The following NKAIN3 variants were observed in gnomAD, a reference collection of about 807,000 sequenced individuals.
NKAIN3 encodes the protein sodium/potassium transporting ATPase interacting 3.
A neutral mutation model predicts 30.2 loss-of-function variants in NKAIN3; 25 were observed. That is an observed-to-expected ratio of 0.83 (90% CI 0.60 to 1.16). NKAIN3 has a LOEUF of 1.16. NKAIN3 is among the 50% of genes most tolerant of loss of function. The pLI, the probability that NKAIN3 is intolerant of heterozygous loss-of-function variation, is 0.00. For synonymous variants in NKAIN3, 91 were observed against 89.6 expected, an observed-to-expected ratio of 1.02 and a Z score of -0.09; for missense variants, 225 against 254.1, an observed-to-expected ratio of 0.89 and a Z score of 0.78.
intron 3 of NKAIN3, among the ~76,000 whole-genome samples, chr8:62,718,959 A>G (rs1814996043): frequency 6.6e-6 from 1 of 152,206 alleles, no homozygotes; most frequent in Non-Finnish European, 1.5e-5. Flanking sequence ...TCGCACATAA[A>G]TAGATGATTT....
intron 1 of NKAIN3, among the ~76,000 whole-genome samples, chr8:62,416,491 G>A (rs975197102): frequency 1.3e-5 from 2 of 152,112 alleles, no homozygotes; most frequent in Non-Finnish European, 2.9e-5. Flanking sequence ...TAACAAAAAA[G>A]ACCAATGGCT....
intron 4 of NKAIN3, among the ~76,000 whole-genome samples, chr8:62,900,137 T>C (rs1821563747): frequency 6.6e-6 from 1 of 152,158 alleles, no homozygotes; most frequent in South Asian, 2.1e-4. Flanking sequence ...GCTCACTGAA[T>C]TGAAAAAGTT....
chr8:62,339,206 G>A (rs1043531715), intron 1 of NKAIN3, among the ~76,000 whole-genome samples: 1 of 151,992 alleles, frequency 6.6e-6, no homozygotes, highest in Non-Finnish European at 1.5e-5. Context: ...GTGATACCTA[G>A]GGAGTGAGTT....
chr8:62,799,097 T>C (rs149261941), intron 4 of NKAIN3, among the ~76,000 whole-genome samples: 141 of 152,296 alleles, frequency 9.3e-4, no homozygotes, highest in African/African-American at 3.2e-3. Flanking sequence ...TTTAAATTGT[T>C]GTTGGGACTG....
intron 1 of NKAIN3, among the ~76,000 whole-genome samples, chr8:62,575,607 A>C (rs1810084820): frequency 6.6e-6 from 1 of 152,162 alleles, no homozygotes; most frequent in Non-Finnish European, 1.5e-5. Context: ...AGAAATAGAA[A>C]AAACAATCTT....
chr8:62,859,264 G>T (rs1448139078), intron 4 of NKAIN3, among the ~76,000 whole-genome samples: 2 of 151,988 alleles, frequency 1.3e-5, no homozygotes, highest in African/African-American at 2.4e-5. Flanking sequence ...TTATTTCCCT[G>T]ACCAATCCCA....
chr8:62,519,829 C>T (rs952645308), intron 1 of NKAIN3, among the ~76,000 whole-genome samples: 4 of 152,098 alleles, frequency 2.6e-5, no homozygotes, highest in Admixed American at 1.3e-4. Context: ...CTGAATGTAG[C>T]CTTAGAGTAC....
intron 4 of NKAIN3, among the ~76,000 whole-genome samples, chr8:62,910,070 A>G (rs1436335071): frequency 6.6e-6 from 1 of 152,182 alleles, no homozygotes; most frequent in African/African-American, 2.4e-5. Flanking sequence ...ATAGGGAGAC[A>G]TAACATGCTT....
At chr8:62,640,465 T>C (rs1295125813) in intron 3 of NKAIN3, among the ~76,000 whole-genome samples, 1 of 152,132 alleles carries the variant, frequency 6.6e-6, no homozygotes, top group Non-Finnish European at 1.5e-5. Flanking sequence ...CAATTAAACC[T>C]CTTTTCTTAT....
chr8:62,430,894 G>A (rs1379276423), intron 1 of NKAIN3, among the ~76,000 whole-genome samples: 1 of 151,852 alleles, frequency 6.6e-6, no homozygotes, highest in African/African-American at 2.4e-5. Flanking sequence ...AATTCACATA[G>A]ATGTTCAATC....
In NKAIN3 at chr8:62,892,508, T is replaced by A. The variant is rs546516034; in HGVS notation, c.472-25945T>A. On this transcript the variant is annotated intron_variant, in intron 4 of 6. Transcript: ENST00000623646. ...CAGGCTGTGATTATTAGTACCCTAG[T>A]GAAATGCTGAAATCACATGTTTGAA... 2.6e-5 allele frequency among the ~76,000 whole-genome samples: 4 copies of A among 152,322 alleles called. No homozygotes were observed. In the East Asian group the frequency reaches 7.7e-4, roughly 29 times the overall value.
intron 4 of NKAIN3, among the ~76,000 whole-genome samples, chr8:62,862,659 T>C (rs1820288160): frequency 6.6e-6 from 1 of 152,130 alleles, no homozygotes; most frequent in South Asian, 2.1e-4. Flanking sequence ...TCACTGAAAA[T>C]TGCTTTGGAA....
rs151229273 is a variant in NKAIN3, at chr8:62,396,862, T to C, written c.54+147735T>C. Among the ~76,000 whole-genome samples, 450 of 152,328 alleles carry C rather than the reference T, an allele frequency of 3.0e-3. 3 individuals are homozygous for C. The highest frequency in any genetic ancestry group is 3.0e-3 in the Non-Finnish European group (206 of 68,028). ...CAGGTTATAACGACTTACTTTGGTATTTGTTATACCAAGTGATTGTGATGT... is the reference window on the plus strand; with the variant it reads ...CAGGTTATAACGACTTACTTTGGTACTTGTTATACCAAGTGATTGTGATGT... On this transcript the variant is annotated intron_variant, in intron 1 of 6. Transcript: ENST00000623646.
chr8:62,768,476 G>A (rs56066506), intron 4 of NKAIN3, among the ~76,000 whole-genome samples: 26,538 of 152,074 alleles, frequency 0.17, 2,511 homozygotes, highest in East Asian at 0.29. Flanking sequence ...TTCTGCTTGA[G>A]GCTCCAGAAG....
At position 62,868,435 on chromosome 8, in the gene NKAIN3, A is replaced by G. The variant is rs1820491683; in HGVS notation, c.472-50018A>G. On this transcript the variant is annotated intron_variant, in intron 4 of 6. Coordinates refer to ENST00000623646, the MANE Select transcript of NKAIN3 (RefSeq NM_001304533.3). Reference sequence around the variant, plus strand: ...ATGGACCAAGGAGGCATTTATCTGAATAATTCAGGCAGAAACAATTTATAC... The same window carrying G: ...ATGGACCAAGGAGGCATTTATCTGAGTAATTCAGGCAGAAACAATTTATAC... Among the ~76,000 whole-genome samples the G allele has an allele frequency of 2.0e-5, 3 of 151,994 alleles. No individual in the cohort carries two copies. The South Asian group carries it at 6.2e-4, about 31-fold the overall frequency.
intron 1 of NKAIN3, among the ~76,000 whole-genome samples, chr8:62,380,909 G>A (rs928999147): frequency 6.6e-6 from 1 of 152,090 alleles, no homozygotes; most frequent in Non-Finnish European, 1.5e-5. Context: ...GAACTATTAT[G>A]CCAATAAAGA....
chr8:62,846,874 A>G (rs1391492289), intron 4 of NKAIN3, among the ~76,000 whole-genome samples: 1 of 152,122 alleles, frequency 6.6e-6, no homozygotes, highest in Non-Finnish European at 1.5e-5. Flanking sequence ...AATGAGGAGC[A>G]AAGTCATGTC....
At chr8:62,929,163 T>G (rs1172970459) in intron 5 of NKAIN3, among the ~76,000 whole-genome samples, 1 of 152,162 alleles carries the variant, frequency 6.6e-6, no homozygotes, top group Non-Finnish European at 1.5e-5. Context: ...ACAAAGGGCT[T>G]GACTTCAGAA....
chr8:62,990,636 C>T (rs1158410655), intron 5 of NKAIN3: 1 of 153,588 alleles, frequency 6.5e-6, no homozygotes, highest in African/African-American at 2.4e-5. Context: ...CATCAAAAGC[C>T]ATGATCTTAT....
Sources: allele counts gnomAD v4.1 joint callset (sites outside exome capture counted in the v4.1 genomes callset), GRCh38; gene constraint gnomAD v4.1.1; transcripts MANE v1.5; gene names NCBI Gene and HGNC (gene_info 2026-07-23, HGNC 2026-07-21).